The following SHC3 variants were observed in gnomAD, a reference collection of about 807,000 sequenced individuals.
SHC3 encodes the protein SHC-transforming protein 3.
Under a neutral mutation model 60.4 loss-of-function variants are expected in SHC3, and 15 were observed. The ratio of observed to expected loss-of-function variants is 0.25; its 90% CI spans 0.17 to 0.38. The LOEUF (loss-of-function observed/expected upper bound fraction) is 0.38, where lower values mean the gene tolerates loss of function less well. Among genes scored for constraint, SHC3 ranks in the 10% least tolerant of loss-of-function variants. The probability of loss-of-function intolerance (pLI) is 1.00; values close to 1 mark genes in which losing one functional copy is unlikely to be tolerated. For synonymous variants in SHC3, 294 were observed against 325.9 expected, an observed-to-expected ratio of 0.90 and a Z score of 1.05; for missense variants, 677 against 786.1, an observed-to-expected ratio of 0.86 and a Z score of 1.66.
chr9:89,061,554 C>T (rs1015013022), intron 6 of SHC3, among the ~76,000 whole-genome samples: 2 of 152,188 alleles, frequency 1.3e-5, no homozygotes, highest in East Asian at 1.9e-4. Context: ...TCTTAGGAGC[C>T]GCTGTTCAGG....
intron 6 of SHC3, among the ~76,000 whole-genome samples, chr9:89,060,630 G>C (rs1339675617): frequency 6.6e-6 from 1 of 151,996 alleles, no homozygotes; most frequent in Non-Finnish European, 1.5e-5. Flanking sequence ...GATGGAGTGG[G>C]AGTGAGCTCA....
chr9:89,143,284 G>A (rs1335021376), intron 1 of SHC3, among the ~76,000 whole-genome samples: 2 of 152,160 alleles, frequency 1.3e-5, no homozygotes, highest in Non-Finnish European at 2.9e-5. Flanking sequence ...GCACTGGTGG[G>A]AGTGTAGCAG....
intron 6 of SHC3, among the ~76,000 whole-genome samples, chr9:89,056,276 C>T (rs924868963): frequency 1.3e-5 from 2 of 152,030 alleles, no homozygotes; most frequent in Non-Finnish European, 2.9e-5. Flanking sequence ...GATGGAGTTT[C>T]ACTCTTGTCG....
At position 89,007,320 on chromosome 9, in the gene SHC3, T is replaced by C. The variant is rs540826557; in HGVS notation, c.*6127A>G. Reference sequence around the variant, plus strand: ...TGCGAAGCCTCCAGAGTCCCCAGACTGACCTGGGCACTCCACCCTTGCTGG... The same window carrying C: ...TGCGAAGCCTCCAGAGTCCCCAGACCGACCTGGGCACTCCACCCTTGCTGG... On this transcript the variant is annotated 3_prime_UTR_variant, in exon 12 of 12. Coordinates refer to ENST00000375835, the MANE Select transcript of SHC3 (RefSeq NM_016848.6). The C allele has an allele frequency of 6.6e-6, 1 of 152,412 alleles. No homozygotes were observed. The highest frequency in any genetic ancestry group is 1.9e-4 in the East Asian group (1 of 5,188). 9.4% of individuals were successfully genotyped at this position (152,412 alleles called of 1,614,324 possible).
intron 1 of SHC3, among the ~76,000 whole-genome samples, chr9:89,131,915 C>T (rs1826252070): frequency 6.6e-6 from 1 of 152,120 alleles, no homozygotes; most frequent in African/African-American, 2.4e-5. Flanking sequence ...CCAGGGCAAT[C>T]AGGCAAGAGA....
At chr9:89,140,334 T>A (rs1197720391) in intron 1 of SHC3, among the ~76,000 whole-genome samples, 1 of 144,272 alleles carries the variant, frequency 6.9e-6, no homozygotes. Flanking sequence ...GGCAAACAGA[T>A]TCCCCCCCCC....
chr9:89,073,272 C>T (rs920914563), intron 4 of SHC3, among the ~76,000 whole-genome samples: 4 of 152,168 alleles, frequency 2.6e-5, no homozygotes, highest in Non-Finnish European at 5.9e-5. Flanking sequence ...TGACGTGATG[C>T]GTGAGCCTTA....
intron 9 of SHC3, 148 bp downstream of exon 9, chr9:89,045,598 G>C: frequency 2.9e-6 from 2 of 698,410 alleles, no homozygotes; most frequent in Non-Finnish European, 4.8e-6. Flanking sequence ...TATTTCTATA[G>C]TCTAGTCAGG....
At chr9:89,088,165 A>T (rs1262064616) in intron 2 of SHC3, among the ~76,000 whole-genome samples, 1 of 152,138 alleles carries the variant, frequency 6.6e-6, no homozygotes, top group Admixed American at 6.5e-5. Context: ...TCTACATACT[A>T]AGAACCTTGG....
At chr9:89,068,137 C>G (rs1416399838) in intron 5 of SHC3, among the ~76,000 whole-genome samples, 3 of 152,174 alleles carry the variant, frequency 2.0e-5, no homozygotes, top group Non-Finnish European at 4.4e-5. Context: ...TCAGGAAGCA[C>G]TAAGTTCCAA....
At chr9:89,083,611 A>G (rs551088969) in intron 2 of SHC3, among the ~76,000 whole-genome samples, 19 of 152,216 alleles carry the variant, frequency 1.2e-4, no homozygotes, top group Non-Finnish European at 2.2e-4. Flanking sequence ...CTGGGAAGTT[A>G]CTGATGTTGT....
At chr9:89,035,311 A>T (rs1245811054) in intron 11 of SHC3, among the ~76,000 whole-genome samples, 1 of 152,212 alleles carries the variant, frequency 6.6e-6, no homozygotes, top group Admixed American at 6.5e-5. Context: ...TGCAAGCCCT[A>T]TTGAAATCCC....
chr9:89,085,720 A>G (rs971685200), intron 2 of SHC3, among the ~76,000 whole-genome samples: 2 of 152,232 alleles, frequency 1.3e-5, no homozygotes, highest in African/African-American at 4.8e-5. Context: ...ACAAACCTGC[A>G]GAAGGTAACA....
rs540338047 is a variant in SHC3, at chr9:89,012,444, T to C, written c.*1003A>G. 7.5e-4 allele frequency: 114 copies of C among 152,280 alleles called. 1 individual carries two copies. The highest frequency in any genetic ancestry group is 2.7e-3 in the African/African-American group (112 of 41,536). 9.4% of individuals were successfully genotyped at this position (152,280 alleles called of 1,614,324 possible). ...GCACATGCAGCCCCAGAAGCCTCAA[T>C]ACCTGAGTCTTCGGGACTGAGCTCT... On this transcript the variant is annotated 3_prime_UTR_variant, in exon 12 of 12. Transcript: ENST00000375835.
chr9:89,172,328 A>G (rs1207374030), intron 1 of SHC3, among the ~76,000 whole-genome samples: 1 of 152,166 alleles, frequency 6.6e-6, no homozygotes, highest in Non-Finnish European at 1.5e-5. Context: ...CTCCCAGTGG[A>G]CCCTCAGTGG....
chr9:89,037,158 G>A (rs1218798632), intron 11 of SHC3, among the ~76,000 whole-genome samples: 3 of 152,126 alleles, frequency 2.0e-5, no homozygotes, highest in Non-Finnish European at 2.9e-5. Flanking sequence ...TGGCACCTGA[G>A]GTAATAAACT....
intron 1 of SHC3, among the ~76,000 whole-genome samples, chr9:89,159,092 A>G (rs941196011): frequency 6.6e-6 from 1 of 152,202 alleles, no homozygotes; most frequent in Admixed American, 6.5e-5. Flanking sequence ...AAAACCATCA[A>G]TAATTCTGCT....
At chr9:89,167,823 G>A (rs1826811918) in intron 1 of SHC3, among the ~76,000 whole-genome samples, 1 of 152,126 alleles carries the variant, frequency 6.6e-6, no homozygotes, top group African/African-American at 2.4e-5. Context: ...CCATTTTACT[G>A]GTGAAACACC....
At chr9:89,102,224 C>A (rs1825793313) in intron 2 of SHC3, among the ~76,000 whole-genome samples, 1 of 152,094 alleles carries the variant, frequency 6.6e-6, no homozygotes, top group African/African-American at 2.4e-5. Context: ...TTTTTGATCC[C>A]TCTAACTAGC....
Sources: allele counts gnomAD v4.1 joint callset (sites outside exome capture counted in the v4.1 genomes callset), GRCh38; gene constraint gnomAD v4.1.1; transcripts MANE v1.5; gene names NCBI Gene and HGNC (gene_info 2026-07-23, HGNC 2026-07-21).